The following ZC2HC1B variants were observed in gnomAD, a reference collection of about 807,000 sequenced individuals.
The protein encoded by ZC2HC1B is zinc finger C2HC-type containing 1B.
ZC2HC1B carries 36 observed loss-of-function variants against 31.0 expected under a neutral mutation model. The observed-to-expected ratio is 1.16, with a 90% CI of 0.89 to 1.54. ZC2HC1B has a LOEUF of 1.54. Ranked by LOEUF, ZC2HC1B falls within the 40% of genes most tolerant of loss-of-function variation. The probability of loss-of-function intolerance (pLI) is 0.00; values close to 1 mark genes in which losing one functional copy is unlikely to be tolerated. For synonymous variants in ZC2HC1B, 73 were observed against 88.0 expected, an observed-to-expected ratio of 0.83 and a Z score of 0.95; for missense variants, 260 against 268.6, an observed-to-expected ratio of 0.97 and a Z score of 0.22.
Position 143,872,676 on chromosome 6 carries a change from A to C in ZC2HC1B, c.28+8109A>C, listed in dbSNP as rs1460401111. Among the ~76,000 whole-genome samples, 1 of 152,202 alleles carries C rather than the reference A, an allele frequency of 6.6e-6. No individual in the cohort carries two copies. Among genetic ancestry groups the C allele is most frequent in the Non-Finnish European group, 1.5e-5 (1 of 68,042 alleles). On this transcript the variant is annotated intron_variant, in intron 1 of 7. Transcript: ENST00000237275. This position sits in a 1 kb window ranked among gnomAD's most constrained non-coding sequence, Gnocchi z 5.5. ...CCTCAGAATCATGGCAGAAGGCAAA[A>C]GGCACTACTTACATGGTGGCAGCAA...
intron 6 of ZC2HC1B, among the ~76,000 whole-genome samples, chr6:143,907,447 T>G (rs1298078930): frequency 6.6e-6 from 1 of 152,196 alleles, no homozygotes; most frequent in Non-Finnish European, 1.5e-5. Context: ...CATCTGTTAT[T>G]TTTTAACTTT....
rs943134953 is a variant in ZC2HC1B at position 143,921,754 on chromosome 6, A to G, written c.599-15895A>G. Among the ~76,000 whole-genome samples the G allele has an allele frequency of 1.3e-5, 2 of 152,106 alleles. No homozygotes were observed. Among genetic ancestry groups the G allele is most frequent in the African/African-American group, 4.8e-5 (2 of 41,406 alleles). Reference sequence around the variant, plus strand: ...AGACCAGCCTGGGCAACATAGCAAGACCCTGTCTCTACAAGAAAAATTTAA... The same window carrying G: ...AGACCAGCCTGGGCAACATAGCAAGGCCCTGTCTCTACAAGAAAAATTTAA... On this transcript the variant is annotated intron_variant, in intron 6 of 7. Transcript: ENST00000237275. This position sits in a 1 kb window ranked among gnomAD's most constrained non-coding sequence, Gnocchi z 6.1.
rs1006291501 is a variant in ZC2HC1B at position 143,901,345 on chromosome 6, C to T, written c.490-1699C>T. Among the ~76,000 whole-genome samples, 35 of 143,598 alleles carry T rather than the reference C, an allele frequency of 2.4e-4. 2 individuals are homozygous for T. Among genetic ancestry groups the T allele is most frequent in the Admixed American group, 1.1e-3 (16 of 14,384 alleles). 94.2% of individuals were successfully genotyped at this position (143,598 alleles called of 152,430 possible). ...TGTGATCTCGGCTCACTGCAACCTC[C>T]GCCTCCCGGGTTCAAGCGATTCTTG... On this transcript the variant is annotated intron_variant, in intron 5 of 7. Transcript: ENST00000237275.
chr6:143,895,700 A>G lies in ZC2HC1B; in HGVS notation c.350-2852A>G, dbSNP rs988677573. Among the ~76,000 whole-genome samples the G allele has an allele frequency of 6.6e-6, 1 of 152,092 alleles. No homozygotes were observed. The highest frequency in any genetic ancestry group is 2.1e-4 in the South Asian group (1 of 4,834). ...GTGATATAGAATATTTATAATTGTT[A>G]TTTTTCTATGAGGCCTGGGACATTC... On this transcript the variant is annotated intron_variant, in intron 4 of 7. Transcript: ENST00000237275. This position sits in a 1 kb window ranked among gnomAD's most constrained non-coding sequence, Gnocchi z 4.8.
intron 1 of ZC2HC1B, 49 bp downstream of exon 1, chr6:143,864,616 ATCAT>A (rs1200119593): frequency 2.6e-6 from 4 of 1,544,586 alleles, no homozygotes; most frequent in Admixed American, 2.0e-5. Flanking sequence ...TTCATCTGTA[ATCAT>A]TCATTTATGG....
chr6:143,921,864 G>C lies in ZC2HC1B; in HGVS notation c.599-15785G>C, dbSNP rs150290551. On this transcript the variant is annotated intron_variant, in intron 6 of 7. Coordinates refer to ENST00000237275, the MANE Select transcript of ZC2HC1B (RefSeq NM_001013623.3). The surrounding 1 kb of genome is among the most constrained non-coding windows in gnomAD (Gnocchi z 6.1). ...GGAGGATTGCTTGAGTCCAGTACAA[G>C]TGTTCAAGGCTGCAATGAGCTATGA... 6.6e-6 allele frequency among the ~76,000 whole-genome samples: 1 copy of C among 152,184 alleles called. No individual in the cohort carries two copies. Among genetic ancestry groups the C allele is most frequent in the African/African-American group, 2.4e-5 (1 of 41,454 alleles).
At position 143,869,547 on chromosome 6, in the gene ZC2HC1B, A is replaced by T. The variant is rs964538398; in HGVS notation, c.28+4980A>T. 3.9e-5 allele frequency among the ~76,000 whole-genome samples: 6 copies of T among 152,226 alleles called. No homozygotes were observed. The highest frequency in any genetic ancestry group is 1.4e-4 in the African/African-American group (6 of 41,464). On this transcript the variant is annotated intron_variant, in intron 1 of 7. Transcript: ENST00000237275. This position sits in a 1 kb window ranked among gnomAD's most constrained non-coding sequence, Gnocchi z 5.2. ...ACCATGACAGTGGATAAGGCATGCT[A>T]TGAGTCCATGGATGGTAGTCTTGGC...
rs563093087 is a variant in ZC2HC1B at position 143,917,694 on chromosome 6, T to C, written c.598+14542T>C. On this transcript the variant is annotated intron_variant, in intron 6 of 7. Coordinates refer to ENST00000237275, the MANE Select transcript of ZC2HC1B (RefSeq NM_001013623.3). The surrounding 1 kb of genome is among the most constrained non-coding windows in gnomAD (Gnocchi z 4.1). ...GACATGCAATTGATTTTTGGATTAG[T>C]GATGTTCAACCAGTAAGTATAATGC... Among the ~76,000 whole-genome samples, 8 of 152,246 alleles carry C rather than the reference T, an allele frequency of 5.3e-5. No homozygotes were observed. The highest frequency in any genetic ancestry group is 1.7e-4 in the African/African-American group (7 of 41,536).
rs1777489195 is a variant in ZC2HC1B at position 143,883,147 on chromosome 6, C to G, written c.29-1157C>G. ...TTCTGCCTCCTGGGCTCAAGTGATC[C>G]TCTCACCTCAGCCTCCTGAGTAGCT... is the stretch of plus-strand genomic sequence containing the variant. On this transcript the variant is annotated intron_variant, in intron 1 of 7. Coordinates refer to ENST00000237275, the MANE Select transcript of ZC2HC1B (RefSeq NM_001013623.3). This position sits in a 1 kb window ranked among gnomAD's most constrained non-coding sequence, Gnocchi z 4.1. Among the ~76,000 whole-genome samples, 1 of 152,142 alleles carries G rather than the reference C, an allele frequency of 6.6e-6. No homozygotes were observed. The highest frequency in any genetic ancestry group is 2.4e-5 in the African/African-American group (1 of 41,430).
rs922381678 is a variant in ZC2HC1B at position 143,887,902 on chromosome 6, C to A, written c.349+1081C>A. 6.6e-6 allele frequency among the ~76,000 whole-genome samples: 1 copy of A among 151,952 alleles called. No homozygotes were observed. Among genetic ancestry groups the A allele is most frequent in the African/African-American group, 2.4e-5 (1 of 41,404 alleles). Reference sequence around the variant, plus strand: ...TCTCTTGATAATAGCCTTTAATACACAAAAGTTTTTCATTTTGATGATGTC... The same window carrying A: ...TCTCTTGATAATAGCCTTTAATACAAAAAAGTTTTTCATTTTGATGATGTC... On this transcript the variant is annotated intron_variant, in intron 4 of 7. Transcript: ENST00000237275. The surrounding 1 kb of genome is among the most constrained non-coding windows in gnomAD (Gnocchi z 5.1).
At chr6:143,898,475 T>C (rs1185673374) in intron 4 of ZC2HC1B, 77 bp from the exon 5 acceptor site, 1 of 1,484,146 alleles carries the variant, frequency 6.7e-7, no homozygotes, top group African/African-American at 1.4e-5. Flanking sequence ...CTTCATGTAG[T>C]TCATTCTATA....
Position 143,911,885 on chromosome 6 carries a change from G to C in ZC2HC1B, c.598+8733G>C, listed in dbSNP as rs1477345002. On this transcript the variant is annotated intron_variant, in intron 6 of 7. Transcript: ENST00000237275. The surrounding 1 kb of genome is among the most constrained non-coding windows in gnomAD (Gnocchi z 4.5). ...TTTCCAACTTGGTTCCATTCTCTCT[G>C]TCTCTTTCAGGTACCCCAATCAGTT... 6.6e-6 allele frequency among the ~76,000 whole-genome samples: 1 copy of C among 152,062 alleles called. No individual in the cohort carries two copies. Among genetic ancestry groups the C allele is most frequent in the African/African-American group, 2.4e-5 (1 of 41,404 alleles).
At position 143,895,558 on chromosome 6, in the gene ZC2HC1B, G is replaced by C. The variant is rs545710640; in HGVS notation, c.350-2994G>C. Among the ~76,000 whole-genome samples the C allele has an allele frequency of 1.4e-4, 21 of 152,280 alleles. No individual in the cohort carries two copies. Among genetic ancestry groups the C allele is most frequent in the African/African-American group, 5.1e-4 (21 of 41,558 alleles). ...GTAATTTCCCTTTTTTCCTCAGCAT[G>C]ATTCCCTATTTTCATGATTCAGTTT... On this transcript the variant is annotated intron_variant, in intron 4 of 7. Coordinates refer to ENST00000237275, the MANE Select transcript of ZC2HC1B (RefSeq NM_001013623.3). The surrounding 1 kb of genome is among the most constrained non-coding windows in gnomAD (Gnocchi z 4.8).
rs759116458 is a variant in ZC2HC1B at position 143,871,347 on chromosome 6, A to G, written c.28+6780A>G. The stretch of plus-strand genomic sequence containing the variant: ...TATGACACAAAGCCAAACAGTTAAT[A>G]TACCTCTGAGGTAGAACAGTAAAGG... On this transcript the variant is annotated intron_variant, in intron 1 of 7. Coordinates refer to ENST00000237275, the MANE Select transcript of ZC2HC1B (RefSeq NM_001013623.3). This position sits in a 1 kb window ranked among gnomAD's most constrained non-coding sequence, Gnocchi z 4.1. Among the ~76,000 whole-genome samples, 1 of 152,236 alleles carries G rather than the reference A, an allele frequency of 6.6e-6. No individual in the cohort carries two copies. The highest frequency in any genetic ancestry group is 1.5e-5 in the Non-Finnish European group (1 of 68,042).
Position 143,866,829 on chromosome 6 carries a change from C to T in ZC2HC1B, c.28+2262C>T, listed in dbSNP as rs574288029. 5.3e-5 allele frequency among the ~76,000 whole-genome samples: 8 copies of T among 152,298 alleles called. No homozygotes were observed. In the East Asian group the frequency reaches 1.2e-3, roughly 22 times the overall value. On this transcript the variant is annotated intron_variant, in intron 1 of 7. Transcript: ENST00000237275. Reference sequence around the variant, plus strand: ...CTTACAGGAGAATATTTAAAGCAAACACAGGGCCACTGTTCAAGTTAAGAA... The same window carrying T: ...CTTACAGGAGAATATTTAAAGCAAATACAGGGCCACTGTTCAAGTTAAGAA...
At chr6:143,901,279 A>C (rs911439723) in intron 5 of ZC2HC1B, among the ~76,000 whole-genome samples, 1 of 22,986 alleles carries the variant, frequency 4.4e-5, no homozygotes, top group African/African-American at 3.4e-4. Flanking sequence ...TTTTTTTTTG[A>C]GACAGAGTCT....
intron 6 of ZC2HC1B, among the ~76,000 whole-genome samples, chr6:143,935,694 G>A (rs917874389): frequency 7.5e-5 from 8 of 106,788 alleles, no homozygotes; most frequent in South Asian, 3.4e-4. Context: ...TCTCTCTGTC[G>A]CCCAGGCTAT....
intron 5 of ZC2HC1B, among the ~76,000 whole-genome samples, chr6:143,902,189 C>T (rs1777745505): frequency 6.6e-6 from 1 of 152,152 alleles, no homozygotes; most frequent in African/African-American, 2.4e-5. Flanking sequence ...GCCAGCTTCA[C>T]CACTTTGGGG....
chr6:143,898,400 G>A (rs577241803), intron 4 of ZC2HC1B, among the ~76,000 whole-genome samples, 152 bp from the exon 5 acceptor site: 12 of 152,120 alleles, frequency 7.9e-5, no homozygotes, highest in Non-Finnish European at 1.5e-4. Context: ...GACTCAAGCA[G>A]TCCACTCACC....
Sources: allele counts gnomAD v4.1 joint callset (sites outside exome capture counted in the v4.1 genomes callset), GRCh38; gene constraint gnomAD v4.1.1; non-coding constraint Gnocchi (gnomAD v3.1); transcripts MANE v1.5; gene names NCBI Gene and HGNC (gene_info 2026-07-23, HGNC 2026-07-21).